NEMF: variants seen among roughly 807,000 people sequenced by gnomAD.
NEMF encodes nuclear export mediator factor.
A neutral mutation model predicts 162.2 loss-of-function variants in NEMF; 89 were observed. The ratio of observed to expected loss-of-function variants is 0.55; its 90% CI spans 0.46 to 0.65. The LOEUF (loss-of-function observed/expected upper bound fraction) is 0.65. Among genes scored for constraint, NEMF ranks in the 30% least tolerant of loss-of-function variants. The probability of loss-of-function intolerance (pLI) is 0.00; values close to 1 mark genes in which losing one functional copy is unlikely to be tolerated. For missense variants in NEMF, 1,133 were observed against 1,261.9 expected (o/e 0.90, Z 1.55); for synonymous variants, 421 against 404.5 (o/e 1.04, Z -0.49).
In NEMF at chr14:49,825,925, G is replaced by C; in HGVS notation, c.1519C>G (p.Gln507Glu). The C allele has an allele frequency of 6.2e-7, 1 of 1,611,186 alleles. No homozygotes were observed. Among genetic ancestry groups the C allele is most frequent in the Non-Finnish European group, 8.5e-7 (1 of 1,177,968 alleles). The part of the protein sequence containing the change: ...AFKSAEKKTK[Q>E]TLKEVQTVTS... Reference sequence around the variant, plus strand: ...ACAGTCTGAACTTCTTTTAATGTTTGCTTTGTTTTCTTTTCTGCTGACTTG... The same window carrying C: ...ACAGTCTGAACTTCTTTTAATGTTTCCTTTGTTTTCTTTTCTGCTGACTTG... The change falls in exon 16 of 33, where the codon CAA becomes GAA. Residue 507 changes from glutamine to glutamate, a missense_variant. By Grantham distance (29) the Gln-to-Glu change is conservative (BLOSUM62 2). This residue lies in a region of NEMF where 582 missense variants were observed against 631.5 expected (regional missense o/e 0.92). Coordinates refer to ENST00000298310, the MANE Select transcript of NEMF (RefSeq NM_004713.6).
At chr14:49,841,935 G>A (rs192661773) in intron 4 of NEMF, among the ~76,000 whole-genome samples, 142 of 152,024 alleles carry the variant, frequency 9.3e-4, no homozygotes, top group African/African-American at 3.0e-3. Flanking sequence ...GAGAAACCCC[G>A]TCTCTACTAA....
chr14:49,836,082 C>A (rs553969255), intron 6 of NEMF, among the ~76,000 whole-genome samples: 1 of 152,252 alleles, frequency 6.6e-6, no homozygotes, highest in South Asian at 2.1e-4. Context: ...GTAATTGAGA[C>A]CAGCCTGGCC....
At chr14:49,798,821 G>T (rs930591487) in intron 25 of NEMF, among the ~76,000 whole-genome samples, 1 of 152,048 alleles carries the variant, frequency 6.6e-6, no homozygotes, top group Non-Finnish European at 1.5e-5. Context: ...GCAGGAGAAC[G>T]GCGTGAACCC....
chr14:49,791,508 G>A lies in NEMF; in HGVS notation c.2620-1935C>T, dbSNP rs539728068. Among the ~76,000 whole-genome samples, 16 of 151,564 alleles carry A rather than the reference G, an allele frequency of 1.1e-4. No individual in the cohort carries two copies. The East Asian group carries it at 3.1e-3, about 30-fold the overall frequency. On this transcript the variant is annotated intron_variant, in intron 26 of 32. Coordinates refer to ENST00000298310, the MANE Select transcript of NEMF (RefSeq NM_004713.6). ...AATCCCAGCACTTTGGGAGGCCGAG[G>A]CAGGCGGATCACAAGGTCAAGAGAT...
intron 18 of NEMF, among the ~76,000 whole-genome samples, chr14:49,811,032 G>A (rs1891452943): frequency 6.6e-6 from 1 of 152,110 alleles, no homozygotes; most frequent in African/African-American, 2.4e-5. Context: ...GGATTACAGT[G>A]AATTCCTAGA....
intron 14 of NEMF, 130 bp downstream of exon 14, chr14:49,828,485 AT>A: frequency 9.9e-7 from 1 of 1,010,582 alleles, no homozygotes; most frequent in Non-Finnish European, 1.4e-6. Context: ...ACAAAACTAA[AT>A]TTAAAAAAGT....
intron 16 of NEMF, among the ~76,000 whole-genome samples, chr14:49,822,937 T>A (rs1892154740): frequency 7.0e-6 from 1 of 142,866 alleles, no homozygotes; most frequent in Non-Finnish European, 1.5e-5. Flanking sequence ...CTTAGAGATT[T>A]TTTTTTTTTT....
Position 49,852,733 on chromosome 14 carries a change from G to A in NEMF, c.21C>T (p.Thr7=), listed in dbSNP as rs1209664551. MKSRFS[T]IDLRAVLAEL... ...CCGCGAGTACGGCGCGGAGGTCAATGGTGCTAAAGCGGCTCTTCATGGCGA... is the reference window on the plus strand; with the variant it reads ...CCGCGAGTACGGCGCGGAGGTCAATAGTGCTAAAGCGGCTCTTCATGGCGA... The change falls in exon 1 of 33, where the codon ACC becomes ACT. Residue 7 remains threonine, a synonymous_variant. Transcript: ENST00000298310. 6.2e-7 allele frequency: 1 copy of A among 1,614,136 alleles called. No individual in the cohort carries two copies. Among genetic ancestry groups the A allele is most frequent in the Non-Finnish European group, 8.5e-7 (1 of 1,180,060 alleles).
At chr14:49,844,995 C>CTG (rs1294642156) in intron 4 of NEMF, among the ~76,000 whole-genome samples, 2 of 152,072 alleles carry the variant, frequency 1.3e-5, no homozygotes, top group African/African-American at 4.8e-5. Flanking sequence ...TCTCAAACTC[C>CTG]TGACCTCAGG....
chr14:49,789,302 C>T lies in NEMF; in HGVS notation c.2739G>A (p.Lys913=). 6.2e-7 allele frequency: 1 copy of T among 1,614,136 alleles called. No individual in the cohort carries two copies. The highest frequency in any genetic ancestry group is 8.5e-7 in the Non-Finnish European group (1 of 1,180,006). Reference sequence around the variant, plus strand: ...CAGGTTCGTCCTTTGTTTTTCCTTTCTTCCCCTTCTTCCCTTTTTCTTCTT... The same window carrying T: ...CAGGTTCGTCCTTTGTTTTTCCTTTTTTCCCCTTCTTCCCTTTTTCTTCTT... ...SNKEEKGKKG[K]KGKTKDEPVK... The change falls in exon 28 of 33, where the codon AAG becomes AAA. Residue 913 remains lysine, a synonymous_variant. Coordinates refer to ENST00000298310, the MANE Select transcript of NEMF (RefSeq NM_004713.6).
intron 4 of NEMF, among the ~76,000 whole-genome samples, chr14:49,842,021 C>A (rs1397008422): frequency 3.3e-5 from 5 of 151,922 alleles, no homozygotes; most frequent in African/African-American, 1.2e-4. Flanking sequence ...AGGAGAATGG[C>A]TTGAACCTGG....
intron 3 of NEMF, among the ~76,000 whole-genome samples, chr14:49,849,462 T>C (rs1450201687): frequency 2.0e-5 from 3 of 152,234 alleles, no homozygotes; most frequent in Admixed American, 1.3e-4. Context: ...ACCACTGTGA[T>C]TTATCACATA....
Position 49,782,166 on chromosome 14 carries a change from A to C in NEMF, c.*2470T>G, listed in dbSNP as rs1360628263. Reference sequence around the variant, plus strand: ...CCTCATTGCATAAATGAGAACGACCAGAGAGAGAAAATAATATCCAGATAA... The same window carrying C: ...CCTCATTGCATAAATGAGAACGACCCGAGAGAGAAAATAATATCCAGATAA... On this transcript the variant is annotated 3_prime_UTR_variant, in exon 33 of 33. Transcript: ENST00000298310. 1 of 527,116 alleles carries C rather than the reference A, an allele frequency of 1.9e-6. No homozygotes were observed. Among genetic ancestry groups the C allele is most frequent in the Non-Finnish European group, 3.4e-6 (1 of 298,358 alleles). The allele number at this position is 527,116 out of a possible 1,614,324, so 32.7% of individuals were successfully genotyped here. A position where few individuals can be genotyped will look rare whatever the true frequency, so the allele number is the denominator to read the frequency against.
At chr14:49,815,324 C>T (rs3126196) in intron 16 of NEMF, among the ~76,000 whole-genome samples, 151,697 of 152,266 alleles carry the variant, frequency 1, 75,568 homozygotes, top group Middle Eastern at 1. Flanking sequence ...AAAAATTGTC[C>T]TTAGGAGGAT....
At chr14:49,794,467 G>A (rs1890592902) in intron 26 of NEMF, among the ~76,000 whole-genome samples, 2 of 152,004 alleles carry the variant, frequency 1.3e-5, no homozygotes, top group Admixed American at 1.3e-4. Flanking sequence ...TTATAGCCTA[G>A]TGTGGTGGCA....
chr14:49,809,260 C>T (rs951120620), intron 18 of NEMF, among the ~76,000 whole-genome samples: 1 of 152,212 alleles, frequency 6.6e-6, no homozygotes. Flanking sequence ...ATTGCCAAAA[C>T]ATGGGGGCAA....
At position 49,825,960 on chromosome 14, in the gene NEMF, T is replaced by A; in HGVS notation, c.1489-5A>T. The A allele has an allele frequency of 6.3e-7, 1 of 1,586,362 alleles. No homozygotes were observed. Among genetic ancestry groups the A allele is most frequent in the Non-Finnish European group, 8.6e-7 (1 of 1,158,504 alleles). Reference sequence around the variant, plus strand: ...CTTTTCTGCTGACTTGAATGCCTATTTATAGAAAAGAGTTTTAAAAACAAT... The same window carrying A: ...CTTTTCTGCTGACTTGAATGCCTATATATAGAAAAGAGTTTTAAAAACAAT... On this transcript the variant is annotated splice_region_variant and splice_polypyrimidine_tract_variant and intron_variant, in intron 15 of 32. Transcript: ENST00000298310.
intron 25 of NEMF, among the ~76,000 whole-genome samples, chr14:49,797,831 CATT>C (rs1327838181): frequency 6.6e-6 from 1 of 152,180 alleles, no homozygotes; most frequent in Non-Finnish European, 1.5e-5. Flanking sequence ...CATTCAACAT[CATT>C]GTGTTATAAC....
intron 4 of NEMF, among the ~76,000 whole-genome samples, chr14:49,842,822 C>G (rs535379408): frequency 6.6e-6 from 1 of 152,166 alleles, no homozygotes; most frequent in African/African-American, 2.4e-5. Flanking sequence ...GACTGGCCAA[C>G]ATGGTGAATC....
Sources: allele counts gnomAD v4.1 joint callset (sites outside exome capture counted in the v4.1 genomes callset), GRCh38; gene constraint gnomAD v4.1.1; regional missense constraint gnomAD v4.1.1; transcripts MANE v1.5; gene names NCBI Gene and HGNC (gene_info 2026-07-23, HGNC 2026-07-21).